Variants in NID1 observed in about 807,000 individuals in gnomAD.
The protein encoded by NID1 is nidogen 1, also known as nidogen-1.
Under a neutral mutation model 130.6 loss-of-function variants are expected in NID1, and 76 were observed. The observed-to-expected ratio is 0.58, with a 90% CI of 0.48 to 0.70. The LOEUF (loss-of-function observed/expected upper bound fraction) is 0.70. Ranked by LOEUF, NID1 falls within the 30% of genes least tolerant of loss-of-function variation. The pLI is 0.00. For missense variants in NID1, 1,517 were observed against 1,664.8 expected, an observed-to-expected ratio of 0.91 and a Z score of 1.54; for synonymous variants, 665 against 675.1, an observed-to-expected ratio of 0.98 and a Z score of 0.23.
At chr1:236,006,849 T>C in intron 12 of NID1, among the ~76,000 whole-genome samples, 1 of 152,074 alleles carries the variant, frequency 6.6e-6, no homozygotes, top group East Asian at 1.9e-4. Flanking sequence ...CTTGCATCTA[T>C]GTTTTATTTT....
chr1:236,015,757 C>T (rs1658577872), intron 10 of NID1, among the ~76,000 whole-genome samples: 1 of 151,976 alleles, frequency 6.6e-6, no homozygotes, highest in Admixed American at 6.6e-5. Context: ...TCCAAGAGCT[C>T]CATGGGTCAC....
chr1:236,042,691 A>G (rs1278261562), intron 3 of NID1, among the ~76,000 whole-genome samples: 1 of 152,208 alleles, frequency 6.6e-6, no homozygotes, highest in Non-Finnish European at 1.5e-5. Context: ...ATCTCTTTCC[A>G]TGACATGGTA....
At chr1:236,004,766 A>C in intron 12 of NID1, among the ~76,000 whole-genome samples, 1 of 151,046 alleles carries the variant, frequency 6.6e-6, no homozygotes, top group Admixed American at 6.6e-5. Context: ...TGTCTCAAAA[A>C]AAAAAAAAAA....
chr1:235,994,700 CTTT>C (rs11397466), intron 12 of NID1, among the ~76,000 whole-genome samples: 3 of 142,118 alleles, frequency 2.1e-5, no homozygotes, highest in African/African-American at 5.3e-5. Flanking sequence ...TCTTCTTCTT[CTTT>C]TTTTTTTTTT....
intron 9 of NID1, among the ~76,000 whole-genome samples, chr1:236,019,781 C>CCA (rs1193463863): frequency 1.3e-5 from 2 of 152,126 alleles, no homozygotes; most frequent in Non-Finnish European, 2.9e-5. Flanking sequence ...GTGGCTCAGG[C>CCA]CTGTAACCCC....
intron 14 of NID1, among the ~76,000 whole-genome samples, chr1:235,989,769 T>C (rs146604990): frequency 1.2e-3 from 177 of 152,318 alleles, no homozygotes; most frequent in African/African-American, 4.0e-3. Context: ...TGGCAGAAAT[T>C]TGCATGAAGT....
chr1:236,038,903 T>C (rs184249660), intron 4 of NID1, among the ~76,000 whole-genome samples: 1,349 of 82,378 alleles, frequency 0.016, 46 homozygotes, highest in African/African-American at 0.066. Flanking sequence ...AGGTCATATA[T>C]AACATAAATA....
intron 13 of NID1, 102 bp from the exon 14 acceptor site, chr1:235,991,160 C>T (rs1257198635): frequency 9.8e-6 from 9 of 920,386 alleles, no homozygotes; most frequent in East Asian, 2.8e-5. Context: ...CACACACATA[C>T]ACACACCCAC....
intron 12 of NID1, among the ~76,000 whole-genome samples, chr1:236,006,098 A>C (rs1047242197): frequency 6.6e-6 from 1 of 152,076 alleles, no homozygotes; most frequent in African/African-American, 2.4e-5. Flanking sequence ...ATACCGAATA[A>C]AGCTACCTCT....
At chr1:236,019,193 G>A (rs1658685869) in intron 9 of NID1, among the ~76,000 whole-genome samples, 1 of 152,232 alleles carries the variant, frequency 6.6e-6, no homozygotes, top group Non-Finnish European at 1.5e-5. Flanking sequence ...GAGGCTGTGG[G>A]GGAGGAGTGC....
At chr1:236,056,973 T>C (rs1659914461) in intron 1 of NID1, among the ~76,000 whole-genome samples, 1 of 152,024 alleles carries the variant, frequency 6.6e-6, no homozygotes, top group African/African-American at 2.4e-5. Context: ...TTTGTACTAG[T>C]TTAAAAAGTA....
At chr1:236,008,034 G>A (rs759683278) in intron 12 of NID1, among the ~76,000 whole-genome samples, 6 of 151,938 alleles carry the variant, frequency 3.9e-5, no homozygotes, top group East Asian at 1.9e-4. Flanking sequence ...ACACACACAC[G>A]CACACATGCT....
Position 235,979,352 on chromosome 1 carries a change from C to A in NID1, c.3510-245G>T, listed in dbSNP as rs1474079196. 1.3e-5 allele frequency among the ~76,000 whole-genome samples: 2 copies of A among 152,164 alleles called. No individual in the cohort carries two copies. The highest frequency in any genetic ancestry group is 6.5e-5 in the Admixed American group (1 of 15,274). On this transcript the variant is annotated intron_variant, in intron 18 of 19. Coordinates refer to ENST00000264187, the MANE Select transcript of NID1 (RefSeq NM_002508.3). The surrounding 1 kb of genome is among the most constrained non-coding windows in gnomAD (Gnocchi z 4.6). ...CTCTAGATCCCAGGCAGGAAATGAGCTTTCTAGACAGATGCCCCTGGCCAG... is the reference window on the plus strand; with the variant it reads ...CTCTAGATCCCAGGCAGGAAATGAGATTTCTAGACAGATGCCCCTGGCCAG...
At chr1:236,024,010 G>A (rs567361105) in intron 9 of NID1, 60 bp downstream of exon 9, 39 of 1,598,462 alleles carry the variant, frequency 2.4e-5, no homozygotes, top group Admixed American at 1.2e-4. Flanking sequence ...TTTACAGAAC[G>A]TGGATGCCTC....
chr1:236,017,399 T>C, intron 9 of NID1, 126 bp from the exon 10 acceptor site: 11 of 1,086,172 alleles, frequency 1.0e-5, no homozygotes, highest in Non-Finnish European at 1.4e-5. Context: ...CTTTTTTTTT[T>C]TCCGAGATGG....
chr1:236,031,004 G>C (rs1169818481), intron 6 of NID1, among the ~76,000 whole-genome samples: 1 of 152,224 alleles, frequency 6.6e-6, no homozygotes, highest in Admixed American at 6.5e-5. Flanking sequence ...GTTTGCATGA[G>C]AGCATCAATA....
chr1:235,993,148 C>T (rs1193846832), intron 13 of NID1, among the ~76,000 whole-genome samples: 1 of 152,172 alleles, frequency 6.6e-6, no homozygotes, highest in Non-Finnish European at 1.5e-5. Flanking sequence ...AACTAAAGGC[C>T]CTAGGGCACG....
chr1:236,028,137 A>G (rs1658992750), intron 7 of NID1, among the ~76,000 whole-genome samples: 1 of 152,222 alleles, frequency 6.6e-6, no homozygotes, highest in African/African-American at 2.4e-5. Flanking sequence ...CCCAAGCTTT[A>G]GAAAGTAGAA....
intron 2 of NID1, among the ~76,000 whole-genome samples, chr1:236,047,465 G>A (rs1270023659): frequency 1.3e-5 from 2 of 151,986 alleles, no homozygotes; most frequent in African/African-American, 4.8e-5. Context: ...GTCTAACAAC[G>A]AGTTCCTGAC....
Sources: allele counts gnomAD v4.1 joint callset (sites outside exome capture counted in the v4.1 genomes callset), GRCh38; gene constraint gnomAD v4.1.1; non-coding constraint Gnocchi (gnomAD v3.1); transcripts MANE v1.5; gene names NCBI Gene and HGNC (gene_info 2026-07-23, HGNC 2026-07-21).